The following ANKS1A variants were observed in gnomAD, a reference collection of about 807,000 sequenced individuals.
ANKS1A encodes the protein ankyrin repeat and sterile alpha motif domain containing 1A.
Under a neutral mutation model 120.3 loss-of-function variants are expected in ANKS1A, and 55 were observed. The observed-to-expected ratio is 0.46, with a 90% CI of 0.37 to 0.57. ANKS1A has a LOEUF of 0.57. ANKS1A is among the 20% of genes least tolerant of loss of function. The pLI, the probability that ANKS1A is intolerant of heterozygous loss-of-function variation, is 0.00. For synonymous variants in ANKS1A, 590 were observed against 604.7 expected (o/e 0.98, Z 0.36); for missense variants, 1,123 against 1,480.3 (o/e 0.76, Z 3.96).
At chr6:35,065,797 G>A (rs772067789) in intron 13 of ANKS1A, among the ~76,000 whole-genome samples, 3 of 152,232 alleles carry the variant, frequency 2.0e-5, no homozygotes, top group Non-Finnish European at 4.4e-5. Flanking sequence ...TCAACCATAG[G>A]CTGAGAAAGG....
chr6:35,006,749 CG>C (rs1163772215), intron 10 of ANKS1A, among the ~76,000 whole-genome samples: 5 of 151,908 alleles, frequency 3.3e-5, no homozygotes, highest in Non-Finnish European at 7.4e-5. Flanking sequence ...AGCGAGACTC[CG>C]TCTCAAAAAA....
chr6:35,080,161 A>G (rs2762339), intron 16 of ANKS1A, among the ~76,000 whole-genome samples: 67,216 of 151,788 alleles, frequency 0.44, 15,778 homozygotes, highest in Middle Eastern at 0.58. Context: ...ACACCAGGCC[A>G]TGGCTGGGTA....
intron 1 of ANKS1A, among the ~76,000 whole-genome samples, chr6:34,965,990 G>A (rs1438102153): frequency 2.0e-5 from 3 of 152,028 alleles, no homozygotes; most frequent in East Asian, 3.9e-4. Context: ...TGATTGGCCC[G>A]CCTCAGCTTC....
Position 35,060,020 on chromosome 6 carries a change from A to G in ANKS1A, c.2078-127A>G. 3 of 691,648 alleles carry G rather than the reference A, an allele frequency of 4.3e-6. No homozygotes were observed. Among genetic ancestry groups the G allele is most frequent in the Admixed American group, 2.2e-5 (1 of 45,382 alleles). 42.8% of individuals were successfully genotyped at this position (691,648 alleles called of 1,614,324 possible). ...TGTCTGCTGCTCTCTGGTCTCTTGT[A>G]TATAGTTTGGCTGTTTGATGGTAAT... On this transcript the variant is annotated intron_variant, in intron 12 of 23. Transcript: ENST00000360359. The surrounding 1 kb of genome is among the most constrained non-coding windows in gnomAD (Gnocchi z 4.5).
rs759846739 is a variant in ANKS1A, at chr6:35,082,716, C to T, written c.2735C>T (p.Thr912Ile). ...GAGGAGCACCGTGAGGCCAAGCTGA[C>T]CCTGCGGCCCCCGAGCCTGGCAGCC... Reference protein sequence around the residue: ...IQEEHREAKLTLRPPSLAAPY... With the variant: ...IQEEHREAKLILRPPSLAAPY... The change falls in exon 18 of 24, where the codon ACC becomes ATC. Residue 912 changes from threonine (T) to isoleucine (I), a missense_variant. Physicochemically the swap from Thr to Ile is moderately conservative, Grantham distance 89. Coordinates refer to ENST00000360359, the MANE Select transcript of ANKS1A (RefSeq NM_015245.3). This position sits in a 1 kb window ranked among gnomAD's most constrained non-coding sequence, Gnocchi z 4.1. 1 of 1,612,332 alleles carries T rather than the reference C, an allele frequency of 6.2e-7. No individual in the cohort carries two copies. The highest frequency in any genetic ancestry group is 1.7e-5 in the Admixed American group (1 of 59,708).
chr6:34,996,184 T>A (rs1772845705), intron 10 of ANKS1A, among the ~76,000 whole-genome samples: 1 of 152,246 alleles, frequency 6.6e-6, no homozygotes, highest in Non-Finnish European at 1.5e-5. Context: ...TTCATTTTCC[T>A]AATATCTAAT....
intron 1 of ANKS1A, among the ~76,000 whole-genome samples, chr6:34,918,803 G>GTGACTT (rs1226137563): frequency 2.2e-4 from 34 of 152,160 alleles, no homozygotes; most frequent in African/African-American, 7.5e-4. Flanking sequence ...CATATTGACT[G>GTGACTT]TGACTTTGGT....
chr6:35,046,696 T>C (rs1437220447), intron 11 of ANKS1A, among the ~76,000 whole-genome samples: 1 of 152,220 alleles, frequency 6.6e-6, no homozygotes, highest in African/African-American at 2.4e-5. Flanking sequence ...ATCAGTACTC[T>C]CATCCCCAAA....
At chr6:34,965,270 A>G (rs1169083668) in intron 1 of ANKS1A, among the ~76,000 whole-genome samples, 1 of 152,146 alleles carries the variant, frequency 6.6e-6, no homozygotes, top group Non-Finnish European at 1.5e-5. Context: ...ATAGCAATGT[A>G]ACTGGTATAT....
intron 1 of ANKS1A, among the ~76,000 whole-genome samples, chr6:34,939,485 TA>T (rs1478686569): frequency 6.6e-6 from 1 of 152,240 alleles, no homozygotes; most frequent in Non-Finnish European, 1.5e-5. Flanking sequence ...GTTTTAGCAA[TA>T]TTATAATATA....
At chr6:35,070,974 CCTCT>C (rs961690295) in intron 13 of ANKS1A, 18 of 583,442 alleles carry the variant, frequency 3.1e-5, no homozygotes, top group African/African-American at 1.3e-4. Flanking sequence ...CAGGGTTTCC[CCTCT>C]CTGTCTATTT....
chr6:35,008,435 C>A (rs143934049), intron 10 of ANKS1A, among the ~76,000 whole-genome samples: 1 of 152,198 alleles, frequency 6.6e-6, no homozygotes, highest in South Asian at 2.1e-4. Flanking sequence ...TAGTCTCAAG[C>A]TCCTGGCCTC....
chr6:35,023,634 G>A (rs548646349), intron 11 of ANKS1A: 22 of 481,388 alleles, frequency 4.6e-5, no homozygotes, highest in African/African-American at 1.4e-4. Flanking sequence ...AAAATCTCAG[G>A]GAGAAGTATC....
At chr6:35,079,370 G>A (rs776981364) in intron 14 of ANKS1A, 146 bp from the exon 15 acceptor site, 95 of 919,690 alleles carry the variant, frequency 1.0e-4, no homozygotes, top group South Asian at 8.7e-4. Context: ...AAGGCTGTGC[G>A]AAGTGGGGGG....
chr6:35,078,462 A>T, intron 13 of ANKS1A, 96 bp from the exon 14 acceptor site: 1 of 1,079,262 alleles, frequency 9.3e-7, no homozygotes, highest in Non-Finnish European at 1.4e-6. Flanking sequence ...AGTGAAGGAG[A>T]ATTTGGTGCA....
chr6:34,969,940 A>G, intron 2 of ANKS1A, 70 bp from the exon 3 acceptor site: 1 of 1,544,410 alleles, frequency 6.5e-7, no homozygotes, highest in Non-Finnish European at 8.8e-7. Context: ...TGTGCCATAT[A>G]GGTGTAAAGA....
chr6:35,088,581 C>T, intron 23 of ANKS1A, 25 bp from the exon 24 acceptor site: 3 of 1,614,050 alleles, frequency 1.9e-6, no homozygotes, highest in Non-Finnish European at 1.7e-6. Context: ...ACCCTTTCCT[C>T]CCCCCATTGT....
In ANKS1A at chr6:35,060,626, C is replaced by G. The variant is rs1253334518; in HGVS notation, c.2184+373C>G. Among the ~76,000 whole-genome samples, 3 of 152,250 alleles carry G rather than the reference C, an allele frequency of 2.0e-5. No individual in the cohort carries two copies. Among genetic ancestry groups the G allele is most frequent in the Admixed American group, 1.3e-4 (2 of 15,292 alleles). On this transcript the variant is annotated intron_variant, in intron 13 of 23. Transcript: ENST00000360359. This position sits in a 1 kb window ranked among gnomAD's most constrained non-coding sequence, Gnocchi z 4.5. ...AGTGAGTTGTCACTGAAGCAAGGAG[C>G]CTTGCCTCCAGCAGAAAGACCCCTT...
chr6:34,983,091 T>A, intron 5 of ANKS1A, 22 bp from the exon 6 acceptor site: 1 of 1,607,766 alleles, frequency 6.2e-7, no homozygotes, highest in Non-Finnish European at 8.5e-7. Flanking sequence ...ACTCCCCTGG[T>A]CCACCTGGTG....
Sources: gnomAD v4.1 joint callset for allele counts (sites outside exome capture counted in the v4.1 genomes callset) on GRCh38, gnomAD v4.1.1 for gene constraint, Gnocchi (gnomAD v3.1) non-coding constraint, MANE v1.5 for transcripts, NCBI Gene and HGNC (gene_info 2026-07-23, HGNC 2026-07-21) for gene names.